AFAP1: variants seen among roughly 807,000 people sequenced by gnomAD.
AFAP1 encodes the protein actin filament associated protein 1.
A neutral mutation model predicts 93.9 loss-of-function variants in AFAP1; 75 were observed. The observed-to-expected ratio is 0.80, with a 90% CI of 0.66 to 0.97. AFAP1 has a LOEUF of 0.97. Among genes scored for constraint, AFAP1 ranks in the 50% least tolerant of loss-of-function variants. AFAP1 has a pLI of 0.00. For synonymous variants in AFAP1, 517 were observed against 430.7 expected, an observed-to-expected ratio of 1.20 and a Z score of -2.48; for missense variants, 1,201 against 1,050.8, an observed-to-expected ratio of 1.14 and a Z score of -1.98.
chr4:7,915,030 G>A (rs1426869806), intron 1 of AFAP1, among the ~76,000 whole-genome samples: 1 of 152,070 alleles, frequency 6.6e-6, no homozygotes, highest in Non-Finnish European at 1.5e-5. Context: ...GATTACAGGC[G>A]TGATCCACCG....
At chr4:7,885,390 C>G (rs926923375) in intron 1 of AFAP1, among the ~76,000 whole-genome samples, 4 of 152,166 alleles carry the variant, frequency 2.6e-5, no homozygotes, top group Admixed American at 2.6e-4. Flanking sequence ...ACATCACTAC[C>G]ACACCTTCCT....
rs17382630 is a variant in AFAP1, at chr4:7,768,779, G to C, written c.2418+65C>G. The C allele has an allele frequency of 1.1e-4, 161 of 1,476,404 alleles. No individual in the cohort carries two copies. In the African/African-American group the frequency reaches 2.1e-3, roughly 19 times the overall value. The allele number at this position is 1,476,404 out of a possible 1,614,324, so 91.5% of individuals were successfully genotyped here. ...AAGAATGGGCTCCCTACTCACACCC[G>C]AGAATGCTGGGAGCTTAAAGTGCCT... On this transcript the variant is annotated intron_variant, in intron 17 of 17. Coordinates refer to ENST00000420658, the MANE Select transcript of AFAP1 (RefSeq NM_001134647.2).
chr4:7,844,418 C>T (rs1390231097), intron 4 of AFAP1, among the ~76,000 whole-genome samples: 1 of 152,170 alleles, frequency 6.6e-6, no homozygotes, highest in Non-Finnish European at 1.5e-5. Flanking sequence ...GACTGACGAG[C>T]TTCTGCTGTG....
intron 17 of AFAP1, among the ~76,000 whole-genome samples, chr4:7,767,100 G>C (rs1714709170): frequency 6.6e-6 from 1 of 152,188 alleles, no homozygotes; most frequent in East Asian, 1.9e-4. Context: ...ACTGTTCTCA[G>C]AAATCCTGGG....
At chr4:7,845,144 A>C (rs1713534578) in intron 4 of AFAP1, among the ~76,000 whole-genome samples, 1 of 152,222 alleles carries the variant, frequency 6.6e-6, no homozygotes, top group South Asian at 2.1e-4. Flanking sequence ...CCAGGAGGCC[A>C]GGTGTGGTGG....
At position 7,817,912 on chromosome 4, in the gene AFAP1, T is replaced by C. The variant is rs557194525; in HGVS notation, c.822+1164A>G. On this transcript the variant is annotated intron_variant, in intron 7 of 17. Coordinates refer to ENST00000420658, the MANE Select transcript of AFAP1 (RefSeq NM_001134647.2). Reference sequence around the variant, plus strand: ...TATGTGCTGTTGTAATGAGTGACTTTTTTCATCCCATTTATGTTTCTATGA... The same window carrying C: ...TATGTGCTGTTGTAATGAGTGACTTCTTTCATCCCATTTATGTTTCTATGA... Among the ~76,000 whole-genome samples, 35 of 152,290 alleles carry C rather than the reference T, an allele frequency of 2.3e-4. No homozygotes were observed. In the East Asian group the frequency reaches 6.4e-3, roughly 28 times the overall value.
intron 1 of AFAP1, among the ~76,000 whole-genome samples, chr4:7,903,149 AAAG>A (rs1205427114): frequency 2.0e-5 from 3 of 152,254 alleles, no homozygotes; most frequent in African/African-American, 7.2e-5. Context: ...GTGACAGAAG[AAAG>A]AAGAATAAGG....
chr4:7,799,131 A>G, intron 10 of AFAP1: 1 of 977,068 alleles, frequency 1.0e-6, no homozygotes, highest in Non-Finnish European at 1.2e-6. Context: ...GAGAGAGAAC[A>G]AAAGCTTTGG....
chr4:7,837,110 A>G (rs561973829), intron 6 of AFAP1, among the ~76,000 whole-genome samples: 4 of 152,378 alleles, frequency 2.6e-5, no homozygotes, highest in African/African-American at 9.6e-5. Context: ...TTTCTAAAAG[A>G]AATTTAACAA....
chr4:7,936,146 C>G lies in AFAP1; in HGVS notation c.-3+3510G>C, dbSNP rs1273009040. Among the ~76,000 whole-genome samples, 4 of 152,094 alleles carry G rather than the reference C, an allele frequency of 2.6e-5. No homozygotes were observed. The South Asian group carries it at 8.3e-4, about 32-fold the overall frequency. On this transcript the variant is annotated intron_variant, in intron 1 of 17. Transcript: ENST00000420658. Reference sequence around the variant, plus strand: ...AAAATTGTAATTCAGTAGCTCACGACTTGACCAAATGGCTATTTTTAATCC... The same window carrying G: ...AAAATTGTAATTCAGTAGCTCACGAGTTGACCAAATGGCTATTTTTAATCC...
intron 6 of AFAP1, 146 bp from the exon 7 acceptor site, chr4:7,819,317 G>A (rs562454049): frequency 4.7e-6 from 3 of 638,390 alleles, no homozygotes; most frequent in East Asian, 6.0e-5. Flanking sequence ...CAGCGTGCCA[G>A]GTACTCATTT....
chr4:7,910,617 AAAG>A (rs758185375), intron 1 of AFAP1, among the ~76,000 whole-genome samples: 3 of 152,198 alleles, frequency 2.0e-5, no homozygotes, highest in African/African-American at 4.8e-5. Context: ...TAACAGACCA[AAAG>A]AAGAACTGCA....
intron 7 of AFAP1, among the ~76,000 whole-genome samples, chr4:7,817,001 G>A (rs113034440): frequency 3.9e-5 from 6 of 152,188 alleles, no homozygotes; most frequent in Admixed American, 3.9e-4. Context: ...GGAATCCAGG[G>A]CAACAGGTCC....
rs200758520 is a variant in AFAP1, at chr4:7,822,025, T to C, written c.727-2854A>G. 2.6e-5 allele frequency among the ~76,000 whole-genome samples: 4 copies of C among 152,324 alleles called. No homozygotes were observed. The East Asian group carries it at 7.7e-4, about 29-fold the overall frequency. ...TGATCTGTGTGTCTGATCTCTCTTG[T>C]TTCTCTCGCTTTCATGCTAATTGCT... On this transcript the variant is annotated intron_variant, in intron 6 of 17. Transcript: ENST00000420658.
chr4:7,905,504 T>C (rs1194300417), intron 1 of AFAP1, among the ~76,000 whole-genome samples: 1 of 152,260 alleles, frequency 6.6e-6, no homozygotes, highest in African/African-American at 2.4e-5. Flanking sequence ...GGCGCACAGC[T>C]GCTTTTCTGA....
intron 4 of AFAP1, among the ~76,000 whole-genome samples, chr4:7,853,428 G>A (rs546525064): frequency 6.0e-4 from 91 of 152,342 alleles, no homozygotes; most frequent in African/African-American, 2.1e-3. Context: ...CGCGGGGACA[G>A]GGACTGCCGC....
At chr4:7,902,337 C>G (rs955150191) in intron 1 of AFAP1, among the ~76,000 whole-genome samples, 1 of 152,164 alleles carries the variant, frequency 6.6e-6, no homozygotes, top group Non-Finnish European at 1.5e-5. Flanking sequence ...AATTAATAAG[C>G]CTGCTATTAG....
intron 11 of AFAP1, among the ~76,000 whole-genome samples, chr4:7,787,799 G>T (rs187507560): frequency 6.6e-6 from 1 of 152,248 alleles, no homozygotes; most frequent in African/African-American, 2.4e-5. Context: ...GGCTCCGAGG[G>T]ACTGGGTTTC....
intron 1 of AFAP1, among the ~76,000 whole-genome samples, chr4:7,932,793 C>T (rs992240107): frequency 3.3e-5 from 5 of 151,860 alleles, no homozygotes; most frequent in African/African-American, 1.2e-4. Context: ...AGGCCAAGGC[C>T]GGCAGATCAT....
Sources: gnomAD v4.1 joint callset for allele counts (sites outside exome capture counted in the v4.1 genomes callset) on GRCh38, gnomAD v4.1.1 for gene constraint, MANE v1.5 for transcripts, NCBI Gene and HGNC (gene_info 2026-07-23, HGNC 2026-07-21) for gene names.